The following USP12 variants were observed in gnomAD, a reference collection of about 807,000 sequenced individuals.
USP12 encodes the protein ubiquitin carboxyl-terminal hydrolase 12.
Under a neutral mutation model 45.5 loss-of-function variants are expected in USP12, and 19 were observed. The ratio of observed to expected loss-of-function variants is 0.42; its 90% CI spans 0.29 to 0.61. USP12 has a LOEUF of 0.61. Among genes scored for constraint, USP12 ranks in the 20% least tolerant of loss-of-function variants. The pLI is 0.22. For missense variants in USP12, 242 were observed against 447.7 expected, an observed-to-expected ratio of 0.54 and a Z score of 4.15; for synonymous variants, 149 against 148.8, an observed-to-expected ratio of 1.00 and a Z score of -0.01.
At chr13:27,108,729 G>A (rs994517731) in intron 2 of USP12, among the ~76,000 whole-genome samples, 2 of 152,194 alleles carry the variant, frequency 1.3e-5, no homozygotes, top group African/African-American at 4.8e-5. Context: ...GGCCAAGGCA[G>A]GTGGATCAGT....
At chr13:27,133,244 CAT>C (rs141989119) in intron 1 of USP12, among the ~76,000 whole-genome samples, 5,680 of 152,300 alleles carry the variant, frequency 0.037, 169 homozygotes, top group Non-Finnish European at 0.052. Flanking sequence ...ACCACACTCA[CAT>C]GACATCTTTC....
rs1873048294 is a variant in USP12, at chr13:27,067,429, A to G, written c.*1854T>C. Reference sequence around the variant, plus strand: ...ATGTTGGTAGATCAGGCTGGCTTATATATAATTTGTACAAAACACCTCTAG... The same window carrying G: ...ATGTTGGTAGATCAGGCTGGCTTATGTATAATTTGTACAAAACACCTCTAG... On this transcript the variant is annotated 3_prime_UTR_variant, in exon 9 of 9. Transcript: ENST00000282344. The G allele has an allele frequency of 6.6e-6, 1 of 152,240 alleles. No homozygotes were observed. The highest frequency in any genetic ancestry group is 6.5e-5 in the Admixed American group (1 of 15,284). The allele number at this position is 152,240 out of a possible 1,614,324, so 9.4% of individuals were successfully genotyped here. A position where few individuals can be genotyped will look rare whatever the true frequency, so the allele number is the denominator to read the frequency against.
At chr13:27,140,917 C>T (rs530333503) in intron 1 of USP12, among the ~76,000 whole-genome samples, 6 of 151,300 alleles carry the variant, frequency 4.0e-5, no homozygotes, top group South Asian at 4.2e-4. Context: ...ATCTCTCTAA[C>T]GCCTTTTGTA....
In USP12 at chr13:27,068,697, A is replaced by T. The variant is rs1260829108; in HGVS notation, c.*586T>A. 2 of 152,712 alleles carry T rather than the reference A, an allele frequency of 1.3e-5. No individual in the cohort carries two copies. The highest frequency in any genetic ancestry group is 4.8e-5 in the African/African-American group (2 of 41,456). The allele number at this position is 152,712 out of a possible 1,614,324, so 9.5% of individuals were successfully genotyped here. A position where few individuals can be genotyped will look rare whatever the true frequency, so the allele number is the denominator to read the frequency against. On this transcript the variant is annotated 3_prime_UTR_variant, in exon 9 of 9. Coordinates refer to ENST00000282344, the MANE Select transcript of USP12 (RefSeq NM_182488.4). Reference sequence around the variant, plus strand: ...TTGACCAATTGCTCCCTACATATACATATACTGTATATTATTATAAGCTTC... The same window carrying T: ...TTGACCAATTGCTCCCTACATATACTTATACTGTATATTATTATAAGCTTC...
At chr13:27,071,005 G>T in intron 8 of USP12, 66 bp downstream of exon 8, 2 of 1,337,552 alleles carry the variant, frequency 1.5e-6, no homozygotes, top group Non-Finnish European at 2.1e-6. Flanking sequence ...GAAAAACTAT[G>T]AGAAAAAAGT....
chr13:27,101,285 CA>C (rs1217337114), intron 3 of USP12, among the ~76,000 whole-genome samples: 1 of 152,198 alleles, frequency 6.6e-6, no homozygotes, highest in East Asian at 1.9e-4. Flanking sequence ...GTATAAACAT[CA>C]AAATAACACT....
chr13:27,166,065 G>A (rs1878333517), intron 1 of USP12, among the ~76,000 whole-genome samples: 1 of 152,106 alleles, frequency 6.6e-6, no homozygotes, highest in Admixed American at 6.5e-5. Flanking sequence ...AGAGTATCTA[G>A]TCCAATCCCT....
Position 27,131,430 on chromosome 13 carries a change from C to T in USP12, c.49-14834G>A, listed in dbSNP as rs7982139. Reference sequence around the variant, plus strand: ...TAGTGAATGTGAAAGTGCTGTAAAACGTAAAGCATTATGTAAAGGTATGAC... The same window carrying T: ...TAGTGAATGTGAAAGTGCTGTAAAATGTAAAGCATTATGTAAAGGTATGAC... On this transcript the variant is annotated intron_variant, in intron 1 of 8. Coordinates refer to ENST00000282344, the MANE Select transcript of USP12 (RefSeq NM_182488.4). 5.2e-3 allele frequency among the ~76,000 whole-genome samples: 797 copies of T among 152,274 alleles called. 7 individuals carry two copies. The highest frequency in any genetic ancestry group is 0.018 in the African/African-American group (762 of 41,554).
At chr13:27,132,861 C>T (rs534743958) in intron 1 of USP12, among the ~76,000 whole-genome samples, 1 of 152,304 alleles carries the variant, frequency 6.6e-6, no homozygotes, top group East Asian at 1.9e-4. Flanking sequence ...TAGCCTTATC[C>T]TAAAGGTGAA....
At position 27,115,559 on chromosome 13, in the gene USP12, A is replaced by G. The variant is rs972666798; in HGVS notation, c.129+957T>C. 2.6e-5 allele frequency among the ~76,000 whole-genome samples: 4 copies of G among 152,216 alleles called. 1 individual carries two copies. Among genetic ancestry groups the G allele is most frequent in the Non-Finnish European group, 5.9e-5 (4 of 68,040 alleles). ...ATATATGCATTTTAAAACACCTGCC[A>G]TGGATTCACCTAATAGTACAGTACA... On this transcript the variant is annotated intron_variant, in intron 2 of 8. Coordinates refer to ENST00000282344, the MANE Select transcript of USP12 (RefSeq NM_182488.4).
In USP12 at chr13:27,171,601, G is replaced by C. The variant is rs749421729; in HGVS notation, c.39C>G (p.Ile13Met). The C allele has an allele frequency of 1.6e-6, 2 of 1,276,678 alleles. No homozygotes were observed. The highest frequency in any genetic ancestry group is 2.0e-6 in the Non-Finnish European group (2 of 977,504). The allele number at this position is 1,276,678 out of a possible 1,614,324, so 79.1% of individuals were successfully genotyped here. A position where few individuals can be genotyped will look rare whatever the true frequency, so the allele number is the denominator to read the frequency against. ...ILMTVSKFAS[I>M]CTMGANASAL... ...GCTCGCCGCCACCTACCATGGTACA[G>C]ATGGAGGCGAATTTGGAGACTGTCA... The change falls in exon 1 of 9, where the codon ATC becomes ATG. Residue 13 changes from isoleucine (I) to methionine (M), a missense_variant. This residue lies in a region of USP12 where 19 missense variants were observed against 16.1 expected (regional missense o/e 1.18). Transcript: ENST00000282344.
At chr13:27,086,200 A>ATG (rs1342022251) in intron 6 of USP12, among the ~76,000 whole-genome samples, 1 of 116,872 alleles carries the variant, frequency 8.6e-6, no homozygotes, top group African/African-American at 3.2e-5. Flanking sequence ...AAAAAAAAAT[A>ATG]TATATATATA....
At chr13:27,111,045 G>A (rs1051261232) in intron 2 of USP12, among the ~76,000 whole-genome samples, 1 of 152,262 alleles carries the variant, frequency 6.6e-6, no homozygotes, top group African/African-American at 2.4e-5. Context: ...TGGAAGTCAG[G>A]CTCACACTTC....
chr13:27,144,746 TG>T (rs1301826604), intron 1 of USP12, among the ~76,000 whole-genome samples: 1 of 133,636 alleles, frequency 7.5e-6, no homozygotes, highest in African/African-American at 2.7e-5. Context: ...TGTTTTTTGT[TG>T]TTTTTTTTTT....
chr13:27,164,130 G>A (rs1034926575), intron 1 of USP12, among the ~76,000 whole-genome samples: 26 of 151,738 alleles, frequency 1.7e-4, no homozygotes, highest in African/African-American at 6.1e-4. Flanking sequence ...AGGCTTAGTA[G>A]GTCACTAAAA....
intron 1 of USP12, among the ~76,000 whole-genome samples, chr13:27,134,850 C>A (rs1193531445): frequency 6.6e-6 from 1 of 152,082 alleles, no homozygotes; most frequent in Non-Finnish European, 1.5e-5. Flanking sequence ...GAAATGCTAT[C>A]CCAAGCCATA....
intron 1 of USP12, among the ~76,000 whole-genome samples, chr13:27,156,114 C>G (rs768459329): frequency 1.6e-4 from 25 of 151,758 alleles, no homozygotes; most frequent in Non-Finnish European, 3.4e-4. Flanking sequence ...GTCATTCTGA[C>G]AATGCCAGCC....
intron 1 of USP12, among the ~76,000 whole-genome samples, chr13:27,168,003 G>GA (rs1197761202): frequency 6.6e-6 from 1 of 152,168 alleles, no homozygotes; most frequent in Non-Finnish European, 1.5e-5. Flanking sequence ...AAACAAAAAA[G>GA]AAAAGACAGC....
At chr13:27,122,913 G>A (rs1876063891) in intron 1 of USP12, among the ~76,000 whole-genome samples, 2 of 151,684 alleles carry the variant, frequency 1.3e-5, no homozygotes, top group African/African-American at 4.8e-5. Context: ...CTAACATGGT[G>A]AAACCCCGTC....
Sources: allele counts gnomAD v4.1 joint callset (sites outside exome capture counted in the v4.1 genomes callset), GRCh38; gene constraint gnomAD v4.1.1; regional missense constraint gnomAD v4.1.1; transcripts MANE v1.5; gene names NCBI Gene and HGNC (gene_info 2026-07-23, HGNC 2026-07-21).